Variants in GLIS3 observed in about 807,000 individuals in gnomAD.
GLIS3 encodes the protein zinc finger protein GLIS3.
In GLIS3, 53 loss-of-function variants were observed where a neutral mutation model predicts 78.6. That is an observed-to-expected ratio of 0.67 (90% CI 0.54 to 0.85). The LOEUF (loss-of-function observed/expected upper bound fraction) is 0.85, where lower values mean the gene tolerates loss of function less well. Ranked by LOEUF, GLIS3 falls within the 40% of genes least tolerant of loss-of-function variation. GLIS3 has a pLI of 0.00. For missense variants in GLIS3, 1,703 were observed against 1,231.1 expected (o/e 1.38, Z -5.74); for synonymous variants, 684 against 509.9 (o/e 1.34, Z -4.60).
chr9:4,040,959 G>A (rs914886044), intron 4 of GLIS3, among the ~76,000 whole-genome samples: 3 of 152,138 alleles, frequency 2.0e-5, no homozygotes, highest in Non-Finnish European at 4.4e-5. Context: ...CCCAGGGAAG[G>A]AGAAAGATTT....
At chr9:4,417,626 G>A in the GLIS3 span, among the ~76,000 whole-genome samples, 3 of 152,088 alleles carry the variant, frequency 2.0e-5, no homozygotes, top group Non-Finnish European at 4.4e-5. Context: ...TACATCTGTA[G>A]GGCGAATATC....
intron 9 of GLIS3, among the ~76,000 whole-genome samples, chr9:3,852,487 C>A (rs1175479131): frequency 6.6e-6 from 1 of 152,144 alleles, no homozygotes; most frequent in Non-Finnish European, 1.5e-5. Flanking sequence ...CTGTACAACT[C>A]CAGCAAACTC....
At chr9:4,264,670 A>G (rs1344704890) in intron 2 of GLIS3, among the ~76,000 whole-genome samples, 1 of 152,028 alleles carries the variant, frequency 6.6e-6, no homozygotes, top group Non-Finnish European at 1.5e-5. Context: ...CCTTCCCTAA[A>G]TGTCCTTTCT....
At chr9:4,416,821 T>G in the GLIS3 span, among the ~76,000 whole-genome samples, 1 of 143,630 alleles carries the variant, frequency 7.0e-6, no homozygotes. Context: ...AGTTTTTTTT[T>G]TTTTTTTTTT....
intron 2 of GLIS3, among the ~76,000 whole-genome samples, chr9:4,150,671 T>C (rs897477006): frequency 1.3e-5 from 2 of 152,216 alleles, no homozygotes; most frequent in African/African-American, 4.8e-5. Flanking sequence ...AAGAAAAAGA[T>C]GTATCTCTGC....
At chr9:4,161,687 T>TC (rs1835490502) in intron 2 of GLIS3, among the ~76,000 whole-genome samples, 1 of 148,756 alleles carries the variant, frequency 6.7e-6, no homozygotes, top group East Asian at 2.0e-4. Flanking sequence ...TTTTTTTTTT[T>TC]TTTTTTTTGA....
the GLIS3 span, among the ~76,000 whole-genome samples, chr9:4,445,888 C>T: frequency 6.6e-6 from 1 of 152,176 alleles, no homozygotes; most frequent in African/African-American, 2.4e-5. Flanking sequence ...TGGACCTGTG[C>T]CATCCAAGAG....
the GLIS3 span, among the ~76,000 whole-genome samples, chr9:4,394,487 T>A: frequency 3.3e-5 from 5 of 152,130 alleles, no homozygotes; most frequent in Non-Finnish European, 7.4e-5. Context: ...TTGCAGTTCT[T>A]GAACAACAAG....
intron 7 of GLIS3, among the ~76,000 whole-genome samples, chr9:3,882,047 T>C (rs1248644604): frequency 6.6e-6 from 1 of 152,254 alleles, no homozygotes; most frequent in Non-Finnish European, 1.5e-5. Context: ...GTTAACTGTG[T>C]TCTTTTTATT....
At chr9:4,295,045 A>G (rs1816360417) in intron 1 of GLIS3, among the ~76,000 whole-genome samples, 1 of 152,242 alleles carries the variant, frequency 6.6e-6, no homozygotes, top group African/African-American at 2.4e-5. Context: ...CTACTAGGAA[A>G]AAGTGGCACA....
At chr9:4,022,131 T>G (rs983653966) in intron 4 of GLIS3, among the ~76,000 whole-genome samples, 2 of 152,190 alleles carry the variant, frequency 1.3e-5, no homozygotes, top group African/African-American at 4.8e-5. Context: ...TTAGATAGAA[T>G]TTCTCATTTA....
At chr9:3,852,232 G>A (rs536096830) in intron 9 of GLIS3, among the ~76,000 whole-genome samples, 1 of 152,066 alleles carries the variant, frequency 6.6e-6, no homozygotes, top group East Asian at 1.9e-4. Flanking sequence ...GCAATGCCCA[G>A]ACATTTTATA....
the GLIS3 span, among the ~76,000 whole-genome samples, chr9:4,435,900 G>C: frequency 2.0e-5 from 3 of 152,210 alleles, no homozygotes; most frequent in Non-Finnish European, 1.5e-5. Flanking sequence ...AGTGAGCCAA[G>C]ATCGTGCCAC....
chr9:4,338,023 G>GGTGTGT (rs1563937879), intron 2 of GLIS3, among the ~76,000 whole-genome samples: 18 of 115,800 alleles, frequency 1.6e-4, no homozygotes, highest in African/African-American at 5.5e-4. Context: ...GATTGGCAAG[G>GGTGTGT]CTGTGTGTGT....
At chr9:4,306,290 T>C in intron 4 of GLIS3, among the ~76,000 whole-genome samples, 1 of 150,444 alleles carries the variant, frequency 6.6e-6, no homozygotes, top group African/African-American at 2.4e-5. Context: ...GCCCAGGCTG[T>C]GGGTTTTTCA....
At chr9:3,992,168 C>T (rs79696924) in intron 4 of GLIS3, among the ~76,000 whole-genome samples, 1 of 152,154 alleles carries the variant, frequency 6.6e-6, no homozygotes, top group Non-Finnish European at 1.5e-5. Context: ...TAGAATGTAA[C>T]ATTTGGAGGA....
Position 4,036,687 on chromosome 9 carries a change from GA to G in GLIS3, c.1710+81080del, listed in dbSNP as rs556866801. Among the ~76,000 whole-genome samples, 716 of 152,276 alleles carry G rather than the reference GA, an allele frequency of 4.7e-3. 2 individuals carry two copies. The highest frequency in any genetic ancestry group is 0.017 in the African/African-American group (696 of 41,550). Reference sequence around the variant, plus strand: ...GCCCAGCAAACGGCGCATTACCTGAGAATTTTTTCCTTGAACTTTGACTCCC... The same window carrying G: ...GCCCAGCAAACGGCGCATTACCTGAGATTTTTTCCTTGAACTTTGACTCCC... On this transcript the variant is annotated intron_variant, in intron 4 of 10. Transcript: ENST00000381971.
Position 3,946,278 on chromosome 9 carries a change from G to A in GLIS3, c.1711-9089C>T, listed in dbSNP as rs948648350. Among the ~76,000 whole-genome samples the A allele has an allele frequency of 2.6e-5, 4 of 152,296 alleles. No individual in the cohort carries two copies. In the South Asian group the frequency reaches 8.3e-4, roughly 32 times the overall value. Reference sequence around the variant, plus strand: ...ATTAATACTTTTGTTGCCAGCTCTAGGTACAGTGCTTGGCATATACTTGGC... The same window carrying A: ...ATTAATACTTTTGTTGCCAGCTCTAAGTACAGTGCTTGGCATATACTTGGC... On this transcript the variant is annotated intron_variant, in intron 4 of 10. Transcript: ENST00000381971.
chr9:4,298,111 C>G (rs1337828408), intron 1 of GLIS3, among the ~76,000 whole-genome samples: 2 of 152,122 alleles, frequency 1.3e-5, no homozygotes, highest in Admixed American at 1.3e-4. Flanking sequence ...GTGCAACTCG[C>G]TCCTGAGTGA....
Sources: gnomAD v4.1 joint callset for allele counts (sites outside exome capture counted in the v4.1 genomes callset) on GRCh38, gnomAD v4.1.1 for gene constraint, MANE v1.5 for transcripts, NCBI Gene and HGNC (gene_info 2026-07-23, HGNC 2026-07-21) for gene names.